Variants in RUBCN observed in about 807,000 individuals in gnomAD.
RUBCN encodes rubicon autophagy regulator.
RUBCN carries 74 observed loss-of-function variants against 113.2 expected under a neutral mutation model. That is an observed-to-expected ratio of 0.65 (90% confidence interval 0.54 to 0.79). The LOEUF is 0.79. RUBCN is among the 30% of genes least tolerant of loss of function. RUBCN has a pLI of 0.00. For synonymous variants in RUBCN, 480 were observed against 490.0 expected, an observed-to-expected ratio of 0.98 and a Z score of 0.27; for missense variants, 1,109 against 1,251.7, an observed-to-expected ratio of 0.89 and a Z score of 1.72.
chr3:197,707,810 C>A (rs1277305021), intron 2 of RUBCN, among the ~76,000 whole-genome samples: 1 of 127,178 alleles, frequency 7.9e-6, no homozygotes, highest in Non-Finnish European at 1.8e-5. Context: ...ACTAAAGATA[C>A]AAAAATTAGC....
At chr3:197,689,258 C>T (rs2108870801) in intron 11 of RUBCN, among the ~76,000 whole-genome samples, 1 of 152,128 alleles carries the variant, frequency 6.6e-6, no homozygotes, top group East Asian at 1.9e-4. Context: ...CAACTCTTGG[C>T]CTCAAGAAAT....
rs1724140052 is a variant in RUBCN at position 197,705,088 on chromosome 3, T to C, written c.303+4A>G. The C allele has an allele frequency of 3.1e-6, 5 of 1,611,772 alleles. No individual in the cohort carries two copies. The South Asian group carries it at 5.5e-5, about 18-fold the overall frequency. ...CAGCACAGCCGCTCTGCTCTCACTC[T>C]TACCTTCTCCACGTGAAGGGCTGAG... On this transcript the variant is annotated splice_donor_region_variant and intron_variant, in intron 3 of 19. Transcript: ENST00000296343.
chr3:197,717,407 G>A (rs915083761), intron 2 of RUBCN, among the ~76,000 whole-genome samples: 2 of 150,472 alleles, frequency 1.3e-5, no homozygotes, highest in East Asian at 1.9e-4. Flanking sequence ...TCGCACCACC[G>A]CACTCCAGCC....
Position 197,675,514 on chromosome 3 carries a change from A to G in RUBCN, c.2648T>C (p.Leu883Pro). 6.2e-7 allele frequency: 1 copy of G among 1,613,256 alleles called. No homozygotes were observed. ...ACAGATGAAGCCTTTGGCTTGGCAG[A>G]GCTGGGGAGGAAAAACACAGATGGC... is the stretch of plus-strand genomic sequence containing the variant. ...AGATHVERCM[L>P]CQAKGFICEF... The change falls in exon 19 of 20, where the codon CTC becomes CCC. Residue 883 changes from leucine to proline, a missense_variant and splice_region_variant. Leu to Pro is a moderately conservative substitution (Grantham distance 98, BLOSUM62 -3). Transcript: ENST00000296343. This position sits in a 1 kb window ranked among gnomAD's most constrained non-coding sequence, Gnocchi z 4.4.
chr3:197,685,567 C>T (rs915613997), intron 11 of RUBCN, among the ~76,000 whole-genome samples: 2 of 152,188 alleles, frequency 1.3e-5, no homozygotes, highest in African/African-American at 4.8e-5. Context: ...CAAACATATA[C>T]TCAAATAACA....
chr3:197,733,646 A>G (rs575961440), intron 1 of RUBCN, among the ~76,000 whole-genome samples: 201 of 152,280 alleles, frequency 1.3e-3, no homozygotes, highest in African/African-American at 4.4e-3. Flanking sequence ...GTGTATCTGG[A>G]GCTAAGGAGG....
Position 197,717,943 on chromosome 3 carries a change from C to G in RUBCN, c.219+34G>C, listed in dbSNP as rs1725726013. ...GACTGTTTCTTTTCAACAAGCGAGTCAGCCAATCTGGCAAAAAAAGGAGTT... is the reference window on the plus strand; with the variant it reads ...GACTGTTTCTTTTCAACAAGCGAGTGAGCCAATCTGGCAAAAAAAGGAGTT... On this transcript the variant is annotated intron_variant, in intron 2 of 19. Coordinates refer to ENST00000296343, the MANE Select transcript of RUBCN (RefSeq NM_014687.4). The G allele has an allele frequency of 3.1e-6, 5 of 1,612,384 alleles. No individual in the cohort carries two copies. In the East Asian group the frequency reaches 1.1e-4, roughly 36 times the overall value.
intron 2 of RUBCN, among the ~76,000 whole-genome samples, chr3:197,706,227 CCAGAT>C (rs1724284788): frequency 6.6e-6 from 1 of 152,138 alleles, no homozygotes; most frequent in Non-Finnish European, 1.5e-5. Context: ...AATGCCCAGA[CCAGAT>C]GAAATGGTCT....
chr3:197,739,671 C>T (rs1046953788), upstream of RUBCN, among the ~76,000 whole-genome samples: 1 of 152,116 alleles, frequency 6.6e-6, no homozygotes, highest in African/African-American at 2.4e-5. Context: ...TGCACTCCAG[C>T]CTGGAAGACA....
rs1464959235 is a variant in RUBCN, at chr3:197,694,427, C to T, written c.1632G>A (p.Gln544=). The T allele has an allele frequency of 1.2e-6, 2 of 1,614,204 alleles. No individual in the cohort carries two copies. The highest frequency in any genetic ancestry group is 1.7e-6 in the Non-Finnish European group (2 of 1,180,032). Residue 544 remains glutamine (Q), a synonymous_variant, in exon 10 of 20, where the codon CAG becomes CAA. Transcript: ENST00000296343. Reference sequence around the variant, plus strand: ...GGAGCAGGTTCTTGGTGCGGATTTGCTGGCGCCGAAGGCGGATCTTCTGCT... The same window carrying T: ...GGAGCAGGTTCTTGGTGCGGATTTGTTGGCGCCGAAGGCGGATCTTCTGCT... ...ELKQKIRLRR[Q]QIRTKNLLPM...
chr3:197,719,208 G>A (rs1392951003), intron 1 of RUBCN, among the ~76,000 whole-genome samples: 1 of 152,118 alleles, frequency 6.6e-6, no homozygotes, highest in Non-Finnish European at 1.5e-5. Flanking sequence ...TGGACGCAGT[G>A]GCTCACACCT....
intron 11 of RUBCN, among the ~76,000 whole-genome samples, chr3:197,692,951 C>A (rs1722590585): frequency 6.6e-6 from 1 of 152,206 alleles, no homozygotes; most frequent in Admixed American, 6.5e-5. Context: ...TGTCTACATA[C>A]ACAATGTTGT....
upstream of RUBCN, among the ~76,000 whole-genome samples, chr3:197,740,152 T>C (rs980465953): frequency 7.2e-5 from 11 of 152,336 alleles, no homozygotes; most frequent in South Asian, 8.3e-4. Flanking sequence ...TTAAAGCCAT[T>C]AATAAACATG....
chr3:197,747,489 G>C (rs1020845881), intron 1 of RUBCN, among the ~76,000 whole-genome samples: 1 of 151,902 alleles, frequency 6.6e-6, no homozygotes, highest in Non-Finnish European at 1.5e-5. Flanking sequence ...CCAAAGTGCT[G>C]GGATTACAAG....
chr3:197,747,929 G>GTTTT (rs1169134636), intron 1 of RUBCN, among the ~76,000 whole-genome samples: 1 of 140,324 alleles, frequency 7.1e-6, no homozygotes. Flanking sequence ...AGTTTCTGTA[G>GTTTT]TTTTTTTTTT....
At chr3:197,682,995 G>T (rs537599391) in intron 13 of RUBCN, among the ~76,000 whole-genome samples, 1 of 152,308 alleles carries the variant, frequency 6.6e-6, no homozygotes, top group South Asian at 2.1e-4. Flanking sequence ...ATGCCTTAAA[G>T]ACAACTGCAG....
chr3:197,697,073 G>C, intron 7 of RUBCN, 24 bp from the exon 8 acceptor site: 1 of 1,189,110 alleles, frequency 8.4e-7, no homozygotes. Flanking sequence ...CCACCAGCGA[G>C]TAAAAACACA....
chr3:197,675,290 A>C lies in RUBCN; in HGVS notation c.2741-94T>G, dbSNP rs542004307. On this transcript the variant is annotated intron_variant, in intron 19 of 19. Coordinates refer to ENST00000296343, the MANE Select transcript of RUBCN (RefSeq NM_014687.4). This position sits in a 1 kb window ranked among gnomAD's most constrained non-coding sequence, Gnocchi z 4.4. ...CTGCCACAGCCCCTTCTCGCCACCA[A>C]GGCGTGGTGTCCCCTGGGGAGGCCC... 2.3e-3 allele frequency: 3,480 copies of C among 1,544,582 alleles called. 11 individuals carry two copies. The highest frequency in any genetic ancestry group is 2.7e-3 in the Non-Finnish European group (3,031 of 1,117,948).
chr3:197,713,804 G>C (rs1193144445), intron 2 of RUBCN, among the ~76,000 whole-genome samples: 3 of 152,030 alleles, frequency 2.0e-5, no homozygotes, highest in Non-Finnish European at 4.4e-5. Context: ...GCCAGGCACG[G>C]TGGCTCATGC....
Sources: allele counts gnomAD v4.1 joint callset (sites outside exome capture counted in the v4.1 genomes callset), GRCh38; gene constraint gnomAD v4.1.1; non-coding constraint Gnocchi (gnomAD v3.1); transcripts MANE v1.5; gene names NCBI Gene and HGNC (gene_info 2026-07-23, HGNC 2026-07-21).